RXRG: variants seen among roughly 807,000 people sequenced by gnomAD.
RXRG encodes the protein retinoic acid receptor RXR-gamma.
Under a neutral mutation model 49.2 loss-of-function variants are expected in RXRG, and 19 were observed. The observed-to-expected ratio is 0.39, with a 90% CI of 0.27 to 0.57. The LOEUF (loss-of-function observed/expected upper bound fraction) is 0.57, where lower values mean the gene tolerates loss of function less well. Among genes scored for constraint, RXRG ranks in the 20% least tolerant of loss-of-function variants. The probability of loss-of-function intolerance (pLI) is 0.64; values close to 1 mark genes in which losing one functional copy is unlikely to be tolerated. For synonymous variants in RXRG, 224 were observed against 216.6 expected, an observed-to-expected ratio of 1.03 and a Z score of -0.30; for missense variants, 452 against 592.5, an observed-to-expected ratio of 0.76 and a Z score of 2.46.
intron 2 of RXRG, among the ~76,000 whole-genome samples, chr1:165,421,054 C>G (rs1286705100): frequency 6.6e-6 from 1 of 152,130 alleles, no homozygotes; most frequent in East Asian, 1.9e-4. Flanking sequence ...TATGATTTTC[C>G]TCTCTATTCA....
chr1:165,417,832 G>A (rs6676654), intron 3 of RXRG, among the ~76,000 whole-genome samples: 66,020 of 152,004 alleles, frequency 0.43, 15,529 homozygotes, highest in South Asian at 0.57. Flanking sequence ...GCCGGGCATG[G>A]TGGCTCACGC....
chr1:165,437,603 C>G (rs916895075), intron 1 of RXRG, among the ~76,000 whole-genome samples: 1 of 152,096 alleles, frequency 6.6e-6, no homozygotes, highest in African/African-American at 2.4e-5. Context: ...CAGTAATGGA[C>G]AGAGGTCATG....
intron 4 of RXRG, among the ~76,000 whole-genome samples, chr1:165,412,365 GACA>G (rs1354703634): frequency 6.6e-6 from 1 of 152,134 alleles, no homozygotes; most frequent in Non-Finnish European, 1.5e-5. Context: ...AAGGGAAAGA[GACA>G]ACAAAACAGG....
intron 9 of RXRG, among the ~76,000 whole-genome samples, chr1:165,402,867 T>C (rs1279022121): frequency 6.6e-6 from 1 of 152,036 alleles, no homozygotes; most frequent in Non-Finnish European, 1.5e-5. Flanking sequence ...ACAATACACA[T>C]ACTCACACAT....
chr1:165,423,867 G>A (rs1571279305), intron 2 of RXRG, among the ~76,000 whole-genome samples: 1 of 152,106 alleles, frequency 6.6e-6, no homozygotes, highest in Non-Finnish European at 1.5e-5. Flanking sequence ...GAACTTTAAG[G>A]TCTATTCCAG....
At chr1:165,427,913 G>T (rs1658543462) in intron 2 of RXRG, among the ~76,000 whole-genome samples, 1 of 152,136 alleles carries the variant, frequency 6.6e-6, no homozygotes, top group Non-Finnish European at 1.5e-5. Flanking sequence ...GGAGCCTGCA[G>T]CTGAGCCCAC....
chr1:165,407,020 A>G, intron 8 of RXRG, 103 bp from the exon 9 acceptor site: 1 of 758,790 alleles, frequency 1.3e-6, no homozygotes, highest in Non-Finnish European at 2.2e-6. Flanking sequence ...GACACCCTGG[A>G]TGGGGACAAG....
At chr1:165,426,514 T>A (rs1658492227) in intron 2 of RXRG, among the ~76,000 whole-genome samples, 1 of 152,158 alleles carries the variant, frequency 6.6e-6, no homozygotes, top group South Asian at 2.1e-4. Flanking sequence ...ATTTTTGAAG[T>A]CCTTACTGGC....
At position 165,428,942 on chromosome 1, in the gene RXRG, G is replaced by A. The variant is rs939696922; in HGVS notation, c.74C>T (p.Thr25Ile). The change falls in exon 2 of 10, where the codon ACA becomes ATA. Residue 25 changes from threonine (T) to isoleucine (I), a missense_variant. This residue lies in a region of RXRG where 166 missense variants were observed against 151.7 expected (regional missense o/e 1.09). Transcript: ENST00000359842. The stretch of plus-strand genomic sequence containing the variant: ...CAAGGCTGCTGATGGGCTCATGGAT[G>A]TAGAGCCAGTGTGGCCAGGGGAGCC... ...YGGSPGHTGS[T>I]SMSPSAALST... 5.0e-6 allele frequency: 8 copies of A among 1,613,238 alleles called. No individual in the cohort carries two copies. The highest frequency in any genetic ancestry group is 4.5e-5 in the East Asian group (2 of 44,884).
chr1:165,416,500 T>C (rs569779852), intron 4 of RXRG, among the ~76,000 whole-genome samples: 17 of 152,148 alleles, frequency 1.1e-4, no homozygotes, highest in Middle Eastern at 3.4e-3. Context: ...CAAAAGATGA[T>C]GGAATATACC....
chr1:165,418,961 G>A (rs1305060212), intron 3 of RXRG, among the ~76,000 whole-genome samples: 2 of 152,216 alleles, frequency 1.3e-5, no homozygotes, highest in Non-Finnish European at 1.5e-5. Flanking sequence ...TTCTTTAGTG[G>A]CTTTGGTGGC....
rs1038114960 is a variant in RXRG at position 165,428,943 on chromosome 1, T to C, written c.73A>G (p.Thr25Ala). Reference protein sequence around the residue: ...YGGSPGHTGSTSMSPSAALST... With the variant: ...YGGSPGHTGSASMSPSAALST... The stretch of plus-strand genomic sequence containing the variant: ...AAGGCTGCTGATGGGCTCATGGATG[T>C]AGAGCCAGTGTGGCCAGGGGAGCCT... The change falls in exon 2 of 10, where the codon ACA (threonine) becomes GCA (alanine). Residue 25 changes from threonine to alanine, a missense_variant. Physicochemically the swap from Thr to Ala is moderately conservative, Grantham distance 58 (BLOSUM62 0). Transcript: ENST00000359842. 1.2e-6 allele frequency: 2 copies of C among 1,613,188 alleles called. No homozygotes were observed. Among genetic ancestry groups the C allele is most frequent in the Non-Finnish European group, 1.7e-6 (2 of 1,179,830 alleles).
chr1:165,420,431 C>T (rs746746556), intron 2 of RXRG, among the ~76,000 whole-genome samples: 1 of 152,186 alleles, frequency 6.6e-6, no homozygotes, highest in Non-Finnish European at 1.5e-5. Flanking sequence ...TAAAGACTTA[C>T]ACTCTAAGAG....
At chr1:165,405,056 T>C (rs12122250) in intron 9 of RXRG, among the ~76,000 whole-genome samples, 25,304 of 152,118 alleles carry the variant, frequency 0.17, 2,659 homozygotes, top group African/African-American at 0.3. Flanking sequence ...ACCGCATATT[T>C]TTAAAAAATA....
chr1:165,409,440 A>G (rs1657863435), intron 7 of RXRG, 118 bp downstream of exon 7: 3 of 1,214,828 alleles, frequency 2.5e-6, no homozygotes, highest in Middle Eastern at 2.3e-4. Flanking sequence ...CCATCCCAGC[A>G]CTACCCAGAG....
At chr1:165,417,554 T>G (rs1002185643) in intron 3 of RXRG, among the ~76,000 whole-genome samples, 37 of 152,316 alleles carry the variant, frequency 2.4e-4, no homozygotes, top group African/African-American at 8.9e-4. Context: ...TTCAAAACAT[T>G]AGTGTAAATA....
intron 9 of RXRG, among the ~76,000 whole-genome samples, chr1:165,402,741 C>G (rs558970656): frequency 2.0e-5 from 3 of 152,186 alleles, no homozygotes; most frequent in East Asian, 1.9e-4. Context: ...TTCACACACA[C>G]TCATGCACAC....
At chr1:165,402,746 GCACA>G (rs1017611551) in intron 9 of RXRG, among the ~76,000 whole-genome samples, 1 of 151,132 alleles carries the variant, frequency 6.6e-6, no homozygotes, top group African/African-American at 2.4e-5. Flanking sequence ...ACACACTCAT[GCACA>G]CACACCTTCA....
intron 1 of RXRG, among the ~76,000 whole-genome samples, chr1:165,435,878 G>A (rs1410919673): frequency 6.6e-6 from 1 of 152,150 alleles, no homozygotes; most frequent in Non-Finnish European, 1.5e-5. Context: ...AGTCTTGCTG[G>A]CTGTACCATC....
Sources: allele counts gnomAD v4.1 joint callset (sites outside exome capture counted in the v4.1 genomes callset), GRCh38; gene constraint gnomAD v4.1.1; regional missense constraint gnomAD v4.1.1; transcripts MANE v1.5; gene names NCBI Gene and HGNC (gene_info 2026-07-23, HGNC 2026-07-21).